The following PRRC2B variants were observed in gnomAD, a reference collection of about 807,000 sequenced individuals.
The protein encoded by PRRC2B is proline rich coiled-coil 2B, also known as protein PRRC2B.
Under a neutral mutation model 242.3 loss-of-function variants are expected in PRRC2B, and 68 were observed. That is an observed-to-expected ratio of 0.28 (90% CI 0.23 to 0.34). The LOEUF is 0.34. Ranked by LOEUF, PRRC2B falls within the 10% of genes least tolerant of loss-of-function variation. PRRC2B has a pLI of 1.00. For synonymous variants in PRRC2B, 1,228 were observed against 1,173.6 expected (o/e 1.05, Z -0.95); for missense variants, 2,835 against 2,954.8 (o/e 0.96, Z 0.94).
At chr9:131,403,899 AT>A (rs1251675639) in intron 1 of PRRC2B, among the ~76,000 whole-genome samples, 1 of 152,016 alleles carries the variant, frequency 6.6e-6, no homozygotes, top group Non-Finnish European at 1.5e-5. Context: ...TTCCATACGT[AT>A]TTTTAAGCGT....
At chr9:131,436,407 T>A (rs1387515707) in intron 3 of PRRC2B, among the ~76,000 whole-genome samples, 1 of 152,246 alleles carries the variant, frequency 6.6e-6, no homozygotes, top group Non-Finnish European at 1.5e-5. Flanking sequence ...TGTCTTGTGC[T>A]AATTTTAAAT....
At chr9:131,478,646 G>T in intron 18 of PRRC2B, 27 bp downstream of exon 18, 4 of 1,238,036 alleles carry the variant, frequency 3.2e-6, no homozygotes, top group Non-Finnish European at 3.5e-6. Context: ...GGGGGGGCAT[G>T]GGGCTGGAGG....
chr9:131,490,811 G>A, intron 28 of PRRC2B: 1 of 318,076 alleles, frequency 3.1e-6, no homozygotes, highest in Non-Finnish European at 6.4e-6. Context: ...GGAATGCAGA[G>A]ATATACGTCC....
At chr9:131,493,610 A>G (rs1432695172) in intron 30 of PRRC2B, among the ~76,000 whole-genome samples, 1 of 152,260 alleles carries the variant, frequency 6.6e-6, no homozygotes, top group Non-Finnish European at 1.5e-5. Flanking sequence ...GCCTTAAACT[A>G]GTAGCTTTGT....
Position 131,474,939 on chromosome 9 carries a change from G to A in PRRC2B, c.2810G>A (p.Arg937Gln), listed in dbSNP as rs1463630483. Reference protein sequence around the residue: ...SQHPEQTGRTRRSGPIKKPVL... With the variant: ...SQHPEQTGRTQRSGPIKKPVL... ...CACCCGGAGCAGACGGGCAGGACCC[G>A]GAGGTCGGGACCCATCAAGAAACCA... Residue 937 changes from arginine to glutamine, a missense_variant, in exon 16 of 32, where the codon CGG (arginine) becomes CAG (glutamine). Arg to Gln is a conservative substitution (Grantham distance 43, BLOSUM62 1). Coordinates refer to ENST00000683519, the MANE Select transcript of PRRC2B (RefSeq NM_013318.4). 5 of 1,593,518 alleles carry A rather than the reference G, an allele frequency of 3.1e-6. No individual in the cohort carries two copies. Among genetic ancestry groups the A allele is most frequent in the African/African-American group, 1.3e-5 (1 of 74,446 alleles).
intron 1 of PRRC2B, among the ~76,000 whole-genome samples, chr9:131,408,331 A>C (rs775266270): frequency 5.3e-5 from 8 of 152,232 alleles, no homozygotes; most frequent in African/African-American, 1.7e-4. Context: ...CCAGCATGTA[A>C]AGATACATGT....
At chr9:131,438,916 T>G in intron 4 of PRRC2B, 73 bp from the exon 5 acceptor site, 1 of 1,209,006 alleles carries the variant, frequency 8.3e-7, no homozygotes, top group Non-Finnish European at 1.2e-6. Flanking sequence ...TCTCAGCACC[T>G]TGTTGTAATA....
chr9:131,478,090 G>A (rs1375341119), intron 17 of PRRC2B, 141 bp downstream of exon 17: 3 of 697,528 alleles, frequency 4.3e-6, no homozygotes, highest in Non-Finnish European at 7.2e-6. Flanking sequence ...TGGGTTCTGG[G>A]GCTGTAGAGG....
intron 1 of PRRC2B, among the ~76,000 whole-genome samples, chr9:131,374,662 G>A (rs377526634): frequency 2.6e-4 from 39 of 152,042 alleles, no homozygotes; most frequent in Non-Finnish European, 4.4e-5. Context: ...AGTAGTTTGG[G>A]ATTATAGGCA....
chr9:131,446,096 T>C lies in PRRC2B; in HGVS notation c.614-305T>C, dbSNP rs1838791630. Among the ~76,000 whole-genome samples, 1 of 151,950 alleles carries C rather than the reference T, an allele frequency of 6.6e-6. No individual in the cohort carries two copies. The highest frequency in any genetic ancestry group is 1.5e-5 in the Non-Finnish European group (1 of 68,002). ...CAAGGCTGGTTTCATCAGGGCCATC[T>C]TCATCTCTCTGGGTTGTGAGACTTG... On this transcript the variant is annotated intron_variant, in intron 6 of 31. Coordinates refer to ENST00000683519, the MANE Select transcript of PRRC2B (RefSeq NM_013318.4). The surrounding 1 kb of genome is among the most constrained non-coding windows in gnomAD (Gnocchi z 4.1).
In PRRC2B at chr9:131,394,141, G is replaced by GGAGCGAGC. The variant is rs886472596; in HGVS notation, c.-165_-158dup. 2 of 149,206 alleles carry GGAGCGAGC rather than the reference G, an allele frequency of 1.3e-5. No individual in the cohort carries two copies. The highest frequency in any genetic ancestry group is 3.0e-5 in the Non-Finnish European group (2 of 66,544). The allele number at this position is 149,206 out of a possible 1,614,324, so 9.2% of individuals were successfully genotyped here. On this transcript the variant is annotated 5_prime_UTR_variant, in exon 1 of 32. Transcript: ENST00000683519. ...GACGAGCGAGCCCGGGAGGAGGGAG[G>GGAGCGAGC]GAGCGAGCGAGCGAGCAGCCCGCGC... is the stretch of plus-strand genomic sequence containing the variant.
chr9:131,477,809 A>G lies in PRRC2B; in HGVS notation c.4472A>G (p.Tyr1491Cys), dbSNP rs376682411. ...GCSSGSGHSP[Y>C]ALERAAHASA... ...AGCAGTGGGAGTGGCCACTCCCCCT[A>G]TGCCCTGGAGCGGGCAGCCCATGCC... Residue 1491 changes from tyrosine (Y) to cysteine (C), a missense_variant, in exon 17 of 32, where the codon TAT becomes TGT. Transcript: ENST00000683519. 5.0e-6 allele frequency: 8 copies of G among 1,612,128 alleles called. No individual in the cohort carries two copies. The East Asian group carries it at 8.9e-5, about 18-fold the overall frequency.
At chr9:131,489,402 G>T (rs182281350) in intron 28 of PRRC2B, among the ~76,000 whole-genome samples, 1 of 151,884 alleles carries the variant, frequency 6.6e-6, no homozygotes, top group Non-Finnish European at 1.5e-5. Flanking sequence ...GGCTGATCTC[G>T]AACTGCTGAC....
At chr9:131,486,271 G>C in intron 26 of PRRC2B, 89 bp downstream of exon 26, 1 of 971,808 alleles carries the variant, frequency 1.0e-6, no homozygotes, top group Non-Finnish European at 1.6e-6. Context: ...ATTTCTCATT[G>C]TCTGTCTGGT....
chr9:131,457,038 C>G (rs989056200), intron 10 of PRRC2B, among the ~76,000 whole-genome samples: 32 of 152,166 alleles, frequency 2.1e-4, no homozygotes, highest in African/African-American at 7.7e-4. Flanking sequence ...TTTGTTTAGT[C>G]AAATCTGTGA....
At chr9:131,463,375 T>G (rs137967956) in intron 11 of PRRC2B, among the ~76,000 whole-genome samples, 176 of 152,330 alleles carry the variant, frequency 1.2e-3, no homozygotes, top group African/African-American at 3.7e-3. Flanking sequence ...TTTCCTTGAT[T>G]TGATTTTTGA....
chr9:131,416,542 A>G (rs1225509586), intron 1 of PRRC2B, among the ~76,000 whole-genome samples: 1 of 152,136 alleles, frequency 6.6e-6, no homozygotes, highest in Non-Finnish European at 1.5e-5. Context: ...ATTTGTCACA[A>G]CTAATGAACC....
rs1838884232 is a variant in PRRC2B, at chr9:131,448,543, C to CAGAAAAAAAAAAAAA, written c.1120+740_1120+741insGAAAAAAAAAAAAAA. 5.3e-4 allele frequency among the ~76,000 whole-genome samples: 21 copies of CAGAAAAAAAAAAAAA among 39,874 alleles called. 1 individual carries two copies. Among genetic ancestry groups the CAGAAAAAAAAAAAAA allele is most frequent in the Non-Finnish European group, 9.6e-4 (18 of 18,710 alleles). 26.2% of individuals were successfully genotyped at this position (39,874 alleles called of 152,430 possible). A position where few individuals can be genotyped will look rare whatever the true frequency, so the allele number is the denominator to read the frequency against. The stretch of plus-strand genomic sequence containing the variant: ...TGGGCGACAGAGGGAGACACTGTCT[C>CAGAAAAAAAAAAAAA]AAAAAAAAAAAAAAAAAAAAAAAAA... On this transcript the variant is annotated intron_variant, in intron 9 of 31. Coordinates refer to ENST00000683519, the MANE Select transcript of PRRC2B (RefSeq NM_013318.4).
intron 1 of PRRC2B, among the ~76,000 whole-genome samples, chr9:131,376,345 C>A (rs1331091852): frequency 7.0e-6 from 1 of 143,296 alleles, no homozygotes; most frequent in Non-Finnish European, 1.5e-5. Flanking sequence ...CAGAGTGAGA[C>A]TCCATCTCAA....
Sources: allele counts gnomAD v4.1 joint callset (sites outside exome capture counted in the v4.1 genomes callset), GRCh38; gene constraint gnomAD v4.1.1; non-coding constraint Gnocchi (gnomAD v3.1); transcripts MANE v1.5; gene names NCBI Gene and HGNC (gene_info 2026-07-23, HGNC 2026-07-21).